Variants in SAMD13 observed in about 807,000 individuals in gnomAD.
SAMD13 encodes the protein sterile alpha motif domain containing 13.
A neutral mutation model predicts 12.4 loss-of-function variants in SAMD13; 9 were observed. That is an observed-to-expected ratio of 0.72 (90% CI 0.44 to 1.26). The LOEUF (loss-of-function observed/expected upper bound fraction) is 1.26. Ranked by LOEUF, SAMD13 falls within the 50% of genes most tolerant of loss-of-function variation. The probability of loss-of-function intolerance (pLI) is 0.00; values close to 1 mark genes in which losing one functional copy is unlikely to be tolerated. For missense variants in SAMD13, 84 were observed against 119.6 expected (o/e 0.70, Z 1.39); for synonymous variants, 46 against 45.4 (o/e 1.01, Z -0.05).
intron 2 of SAMD13, among the ~76,000 whole-genome samples, chr1:84,311,823 T>C (rs74095534): frequency 0.014 from 2,190 of 152,304 alleles, 50 homozygotes; most frequent in African/African-American, 0.05. Context: ...TTTGAAAATA[T>C]CTAAACCATG....
intron 1 of SAMD13, 115 bp downstream of exon 1, chr1:84,301,916 G>A (rs1678460500): frequency 3.2e-6 from 1 of 313,638 alleles, no homozygotes; most frequent in Non-Finnish European, 4.6e-6. Context: ...TTTCTGAGAT[G>A]CTTAGAAAAT....
At chr1:84,346,360 T>C (rs1021639833) in intron 3 of SAMD13, among the ~76,000 whole-genome samples, 22 of 152,214 alleles carry the variant, frequency 1.4e-4, no homozygotes, top group African/African-American at 4.6e-4. Flanking sequence ...TTAATAAGTA[T>C]GTAAACATTG....
Position 84,350,696 on chromosome 1 carries a change from G to A in SAMD13, c.*922G>A, listed in dbSNP as rs571858620. The A allele has an allele frequency of 6.6e-6, 1 of 152,504 alleles. No individual in the cohort carries two copies. Among genetic ancestry groups the A allele is most frequent in the South Asian group, 2.1e-4 (1 of 4,808 alleles). 9.4% of individuals were successfully genotyped at this position (152,504 alleles called of 1,614,324 possible). A position where few individuals can be genotyped will look rare whatever the true frequency, so the allele number is the denominator to read the frequency against. On this transcript the variant is annotated 3_prime_UTR_variant, in exon 4 of 4. Transcript: ENST00000394834. ...GTTTTTAAGAGCTTGGAAAAAGTGG[G>A]CTTGCTACATCTCTGTTCAAAGAGA...
At chr1:84,319,161 T>C (rs1678891458) in intron 2 of SAMD13, among the ~76,000 whole-genome samples, 1 of 152,170 alleles carries the variant, frequency 6.6e-6, no homozygotes, top group Admixed American at 6.5e-5. Flanking sequence ...CCCAAATCCT[T>C]TGGAACAGAG....
At chr1:84,299,494 A>T (rs944548057), upstream of SAMD13, 3 of 684,802 alleles carry the variant, frequency 4.4e-6, no homozygotes, top group Non-Finnish European at 6.2e-6. Flanking sequence ...CACACACCAC[A>T]TACACACACA....
rs113952313 is a variant in SAMD13, at chr1:84,307,454, T to C, written c.53+4167T>C. The stretch of plus-strand genomic sequence containing the variant: ...TCCTTCCTCTAGCTTCTTGAACATA[T>C]AGAATATGGCCTTAATAACTCTCTC... On this transcript the variant is annotated intron_variant, in intron 2 of 3. Transcript: ENST00000394834. 6.0e-3 allele frequency among the ~76,000 whole-genome samples: 918 copies of C among 152,316 alleles called. 6 individuals are homozygous for C. The highest frequency in any genetic ancestry group is 0.02 in the African/African-American group (849 of 41,556).
chr1:84,341,983 A>G lies in SAMD13; in HGVS notation c.166-7648A>G, dbSNP rs150289613. ...GGTGGGGATTTTCTGCTTCACTGTC[A>G]TTCAAAGACCCAGGTGAAGGAGGCC... On this transcript the variant is annotated intron_variant, in intron 3 of 3. Transcript: ENST00000394834. 1.4e-4 allele frequency among the ~76,000 whole-genome samples: 21 copies of G among 152,338 alleles called. No homozygotes were observed. The East Asian group carries it at 4.0e-3, about 29-fold the overall frequency.
chr1:84,330,949 T>C (rs1023973363), intron 3 of SAMD13, among the ~76,000 whole-genome samples: 1 of 152,136 alleles, frequency 6.6e-6, no homozygotes, highest in Non-Finnish European at 1.5e-5. Context: ...TCTTCATTTT[T>C]CTCAAACCAC....
intron 3 of SAMD13, among the ~76,000 whole-genome samples, chr1:84,339,360 GT>G (rs201925003): frequency 4.0e-5 from 6 of 151,462 alleles, no homozygotes; most frequent in Admixed American, 2.6e-4. Flanking sequence ...CTTTGGATGT[GT>G]TTTTTTTGCC....
intron 2 of SAMD13, among the ~76,000 whole-genome samples, chr1:84,310,920 C>G (rs897848654): frequency 2.0e-5 from 3 of 152,144 alleles, no homozygotes; most frequent in Admixed American, 6.5e-5. Context: ...GCAATTTTAG[C>G]CTAAAATTTT....
chr1:84,329,557 C>T (rs943222364), intron 3 of SAMD13, among the ~76,000 whole-genome samples: 1 of 152,166 alleles, frequency 6.6e-6, no homozygotes, highest in Non-Finnish European at 1.5e-5. Flanking sequence ...CAAGATTTGT[C>T]CTGTGTTCCT....
At chr1:84,307,735 G>A (rs1183448474) in intron 2 of SAMD13, among the ~76,000 whole-genome samples, 2 of 152,070 alleles carry the variant, frequency 1.3e-5, no homozygotes, top group Non-Finnish European at 2.9e-5. Flanking sequence ...GTTTTATTAG[G>A]AACAGAGCCG....
intron 2 of SAMD13, among the ~76,000 whole-genome samples, chr1:84,317,304 C>A (rs1013370231): frequency 6.6e-6 from 1 of 152,052 alleles, no homozygotes; most frequent in Non-Finnish European, 1.5e-5. Flanking sequence ...GAAAAGTTTT[C>A]AGTTTTTCAC....
chr1:84,324,438 GA>G (rs1306975490), intron 2 of SAMD13, among the ~76,000 whole-genome samples: 1 of 152,180 alleles, frequency 6.6e-6, no homozygotes, highest in African/African-American at 2.4e-5. Context: ...ACTCCCACGG[GA>G]AAGCTTCCCC....
intron 3 of SAMD13, among the ~76,000 whole-genome samples, chr1:84,348,970 A>G (rs1002497535): frequency 6.6e-6 from 1 of 152,110 alleles, no homozygotes; most frequent in Non-Finnish European, 1.5e-5. Flanking sequence ...AGGTTGAGTC[A>G]TTTTTCTAAT....
chr1:84,341,071 A>G (rs994056222), intron 3 of SAMD13, among the ~76,000 whole-genome samples: 5 of 152,198 alleles, frequency 3.3e-5, no homozygotes, highest in African/African-American at 4.8e-5. Context: ...CTGGACTTAT[A>G]TCATCAGCCC....
chr1:84,304,288 G>A (rs980829192), intron 2 of SAMD13: 1 of 152,144 alleles, frequency 6.6e-6, no homozygotes, highest in African/African-American at 2.4e-5. Flanking sequence ...GTAGGTAGGT[G>A]GAGGAGAAAT....
intron 2 of SAMD13, among the ~76,000 whole-genome samples, chr1:84,318,396 C>G (rs1261913770): frequency 6.6e-6 from 1 of 151,798 alleles, no homozygotes; most frequent in Non-Finnish European, 1.5e-5. Context: ...TGTTTAATTT[C>G]TATGTATTTG....
chr1:84,327,224 A>C (rs1035470378), intron 3 of SAMD13, among the ~76,000 whole-genome samples: 2 of 152,240 alleles, frequency 1.3e-5, no homozygotes, highest in Non-Finnish European at 2.9e-5. Context: ...AAACCGTGAT[A>C]TATTCATACA....
Sources: allele counts gnomAD v4.1 joint callset (sites outside exome capture counted in the v4.1 genomes callset), GRCh38; gene constraint gnomAD v4.1.1; transcripts MANE v1.5; gene names NCBI Gene and HGNC (gene_info 2026-07-23, HGNC 2026-07-21).